Variants in LYST observed in about 807,000 individuals in gnomAD.
LYST encodes lysosomal-trafficking regulator.
Under a neutral mutation model 413.6 loss-of-function variants are expected in LYST, and 192 were observed. The ratio of observed to expected loss-of-function variants is 0.46; its 90% CI spans 0.41 to 0.52. The LOEUF is 0.52. Among genes scored for constraint, LYST ranks in the 20% least tolerant of loss-of-function variants. The probability of loss-of-function intolerance (pLI) is 0.00; values close to 1 mark genes in which losing one functional copy is unlikely to be tolerated. For synonymous variants in LYST, 1,525 were observed against 1,567.3 expected, an observed-to-expected ratio of 0.97 and a Z score of 0.64; for missense variants, 3,815 against 4,499.9, an observed-to-expected ratio of 0.85 and a Z score of 4.35.
Position 235,693,383 on chromosome 1 carries a change from T to C in LYST, c.10668A>G (p.Pro3556=), listed in dbSNP as rs1358764686. 1.2e-5 allele frequency: 19 copies of C among 1,613,062 alleles called. No homozygotes were observed. Among genetic ancestry groups the C allele is most frequent in the Non-Finnish European group, 1.4e-5 (17 of 1,179,102 alleles). The change falls in exon 47 of 53, where the codon CCA becomes CCG. Residue 3556 remains proline, a synonymous_variant. Coordinates refer to ENST00000389793, the MANE Select transcript of LYST (RefSeq NM_000081.4). ...GTTGTGAACTTTGAATAAAGTTTAC[T>C]GGAGGCTCACTTTGTTTACTCTTCA... ...LRLKSKQSEP[P]VNFIQSSQQY...
intron 19 of LYST, 149 bp from the exon 20 acceptor site, chr1:235,770,446 T>C (rs1668557545): frequency 1.3e-5 from 10 of 779,722 alleles, no homozygotes; most frequent in South Asian, 1.2e-4. Context: ...ATGTTAAAAT[T>C]TATTCCCTAT....
At chr1:235,837,604 G>A (rs1436572267) in intron 1 of LYST, among the ~76,000 whole-genome samples, 1 of 147,892 alleles carries the variant, frequency 6.8e-6, no homozygotes, top group Non-Finnish European at 1.5e-5. Context: ...ACCAGCCTGG[G>A]TAAGAGTGAG....
rs1406951850 is a variant in LYST, at chr1:235,751,170, C to T, written c.7780+40G>A. ...TAAGAACATAGGAAAGTCAAGCTAGCCTCAATTTATGGTTATTAAAATATG... is the reference window on the plus strand; with the variant it reads ...TAAGAACATAGGAAAGTCAAGCTAGTCTCAATTTATGGTTATTAAAATATG... On this transcript the variant is annotated intron_variant, in intron 28 of 52. Coordinates refer to ENST00000389793, the MANE Select transcript of LYST (RefSeq NM_000081.4). 1.9e-6 allele frequency: 3 copies of T among 1,589,716 alleles called. No homozygotes were observed. The Admixed American group carries it at 5.0e-5, about 27-fold the overall frequency.
chr1:235,720,131 C>T (rs527751872), intron 40 of LYST, among the ~76,000 whole-genome samples: 65 of 138,106 alleles, frequency 4.7e-4, no homozygotes, highest in African/African-American at 1.7e-3. Context: ...GCCGAGATTG[C>T]GCCACTGCAC....
At chr1:235,820,251 AAGCTGC>A (rs1674602534) in intron 3 of LYST, among the ~76,000 whole-genome samples, 1 of 152,230 alleles carries the variant, frequency 6.6e-6, no homozygotes, top group South Asian at 2.1e-4. Context: ...GATGTCTAGG[AAGCTGC>A]ACAGGCAGAT....
intron 1 of LYST, among the ~76,000 whole-genome samples, chr1:235,850,320 C>A (rs566571711): frequency 6.6e-6 from 1 of 152,156 alleles, no homozygotes; most frequent in African/African-American, 2.4e-5. Flanking sequence ...ATCAGCTAGC[C>A]GCATGTAGGA....
intron 1 of LYST, among the ~76,000 whole-genome samples, chr1:235,842,446 T>C (rs1677327303): frequency 1.3e-5 from 2 of 152,194 alleles, no homozygotes; most frequent in Non-Finnish European, 2.9e-5. Context: ...TAAGTAACCA[T>C]GAAGCTAGTA....
chr1:235,781,825 A>G, intron 15 of LYST, 102 bp downstream of exon 15: 1 of 775,866 alleles, frequency 1.3e-6, no homozygotes, highest in Non-Finnish European at 2.2e-6. Flanking sequence ...ACTTAGTTTA[A>G]TATTTGTTAA....
intron 1 of LYST, among the ~76,000 whole-genome samples, chr1:235,858,158 A>C (rs962528008): frequency 6.6e-6 from 1 of 152,186 alleles, no homozygotes; most frequent in Non-Finnish European, 1.5e-5. Context: ...ACTTTGCAGA[A>C]GGCTAGCATG....
intron 1 of LYST, among the ~76,000 whole-genome samples, chr1:235,875,101 A>G (rs770511908): frequency 7.9e-5 from 12 of 152,120 alleles, no homozygotes; most frequent in Non-Finnish European, 1.6e-4. Flanking sequence ...CCATTCCTAG[A>G]ATAGAGGGAA....
rs373286293 is a variant in LYST, at chr1:235,808,694, A to T, written c.2124T>A (p.Ser708Arg). 1.2e-6 allele frequency: 2 copies of T among 1,613,932 alleles called. No individual in the cohort carries two copies. The highest frequency in any genetic ancestry group is 1.7e-6 in the Non-Finnish European group (2 of 1,179,906). Residue 708 changes from serine (S) to arginine (R), a missense_variant, in exon 5 of 53, where the codon AGT (serine) becomes AGA (arginine). Coordinates refer to ENST00000389793, the MANE Select transcript of LYST (RefSeq NM_000081.4). ...TGCAAATGTGATTTGCAATCTGTATACTATGTAATCTGTCTTCTTCAAAAA... is the reference window on the plus strand; with the variant it reads ...TGCAAATGTGATTTGCAATCTGTATTCTATGTAATCTGTCTTCTTCAAAAA... ...NFVFEEDRLH[S>R]IQIANHICNL...
Position 235,806,387 on chromosome 1 carries a change from T to C in LYST, c.2749A>G (p.Arg917Gly), listed in dbSNP as rs750732627. The C allele has an allele frequency of 4.3e-6, 7 of 1,613,942 alleles. No homozygotes were observed. In the East Asian group the frequency reaches 1.6e-4, roughly 36 times the overall value. Residue 917 changes from arginine (R) to glycine (G), a missense_variant, in exon 6 of 53, where the codon AGG (arginine) becomes GGG (glycine). Arg to Gly is a moderately radical substitution (Grantham distance 125). Transcript: ENST00000389793. ...TCTTCTGAGTCATTGGCCGACTCCC[T>C]GTCAGACTCTGCTTCTTTACTTACG... Reference protein sequence around the residue: ...LCVSKEAESDRESANDSEDTS... With the variant: ...LCVSKEAESDGESANDSEDTS...
upstream of LYST, among the ~76,000 whole-genome samples, chr1:235,871,744 T>C (rs1488729936): frequency 5.3e-5 from 8 of 152,220 alleles, no homozygotes; most frequent in Non-Finnish European, 1.0e-4. Flanking sequence ...TATCTTAACT[T>C]CACTATACTC....
chr1:235,757,362 C>G lies in LYST; in HGVS notation c.6978G>C (p.Val2326=). ...TATCTGCTTGAATAAGCTTGTCCAT[C>G]ACATCTTCAAGCAAAACATCAGGCA... ...LILPDVLLED[V]MDKLIQADTL... The change falls in exon 24 of 53, where the codon GTG becomes GTC. Residue 2326 remains valine (V), a synonymous_variant. Coordinates refer to ENST00000389793, the MANE Select transcript of LYST (RefSeq NM_000081.4). The G allele has an allele frequency of 6.2e-7, 1 of 1,613,156 alleles. No homozygotes were observed. The highest frequency in any genetic ancestry group is 8.5e-7 in the Non-Finnish European group (1 of 1,179,392).
rs141439277 is a variant in LYST, at chr1:235,749,643, T to C, written c.7780+1567A>G. ...CTTGTAGGATTCTGTAAGTCTCCTA[T>C]AGCTTGCAGCAATCACATTTACTTA... On this transcript the variant is annotated intron_variant, in intron 28 of 52. Transcript: ENST00000389793. Among the ~76,000 whole-genome samples the C allele has an allele frequency of 3.9e-3, 600 of 152,296 alleles. 3 individuals carry two copies. Among genetic ancestry groups the C allele is most frequent in the African/African-American group, 0.014 (569 of 41,564 alleles).
At chr1:235,776,959 T>C (rs1669316470) in intron 17 of LYST, 104 bp downstream of exon 17, 2 of 934,650 alleles carry the variant, frequency 2.1e-6, no homozygotes, top group Admixed American at 2.3e-5. Context: ...AAGTTTAATA[T>C]AGTCGAGTGT....
intron 34 of LYST, 143 bp from the exon 35 acceptor site, chr1:235,731,320 G>A: frequency 1.3e-6 from 1 of 745,614 alleles, no homozygotes; most frequent in Admixed American, 2.2e-5. Flanking sequence ...TTTGATCAGG[G>A]AATGCATATA....
intron 1 of LYST, among the ~76,000 whole-genome samples, chr1:235,863,155 G>A (rs1680098051): frequency 6.6e-6 from 1 of 152,050 alleles, no homozygotes; most frequent in South Asian, 2.1e-4. Context: ...CACAGTTGGG[G>A]GCCGAGGAGG....
chr1:235,813,743 A>T (rs1022818776), intron 3 of LYST, among the ~76,000 whole-genome samples: 1 of 152,216 alleles, frequency 6.6e-6, no homozygotes, highest in Non-Finnish European at 1.5e-5. Flanking sequence ...TCAGTTTAGG[A>T]GTTCAGAAAA....
Sources: allele counts gnomAD v4.1 joint callset (sites outside exome capture counted in the v4.1 genomes callset), GRCh38; gene constraint gnomAD v4.1.1; transcripts MANE v1.5; gene names NCBI Gene and HGNC (gene_info 2026-07-23, HGNC 2026-07-21).